SLC13A3: variants seen among roughly 807,000 people sequenced by gnomAD.
SLC13A3 encodes the protein solute carrier family 13 member 3, also known as Na(+)/dicarboxylate cotransporter 3.
Under a neutral mutation model 59.0 loss-of-function variants are expected in SLC13A3, and 40 were observed. The observed-to-expected ratio is 0.68, with a 90% CI of 0.53 to 0.88. The LOEUF (loss-of-function observed/expected upper bound fraction) is 0.88, where lower values mean the gene tolerates loss of function less well. Among genes scored for constraint, SLC13A3 ranks in the 40% least tolerant of loss-of-function variants. The pLI is 0.00. For synonymous variants in SLC13A3, 317 were observed against 330.3 expected (o/e 0.96, Z 0.44); for missense variants, 699 against 783.2 (o/e 0.89, Z 1.28).
At chr20:46,652,547 ATTTTT>A (rs11471373), upstream of SLC13A3, among the ~76,000 whole-genome samples, 1 of 117,792 alleles carries the variant, frequency 8.5e-6, no homozygotes, top group South Asian at 2.8e-4. Context: ...TATCTGGCTA[ATTTTT>A]TTTTTTTTTT....
At chr20:46,561,968 C>G (rs2061935620) in intron 12 of SLC13A3, among the ~76,000 whole-genome samples, 2 of 152,198 alleles carry the variant, frequency 1.3e-5, no homozygotes, top group Non-Finnish European at 1.5e-5. Context: ...GACTGGCTGA[C>G]CGGGGGTGCC....
intron 4 of SLC13A3, among the ~76,000 whole-genome samples, chr20:46,598,743 G>T (rs963451645): frequency 5.9e-5 from 9 of 152,056 alleles, no homozygotes; most frequent in African/African-American, 2.2e-4. Flanking sequence ...TCAAAATCAA[G>T]GTTATATCTA....
chr20:46,659,842 T>G (rs1488675164), intron 1 of SLC13A3, among the ~76,000 whole-genome samples: 2 of 152,174 alleles, frequency 1.3e-5, no homozygotes, highest in African/African-American at 2.4e-5. Context: ...TAAATTTGTG[T>G]ATTCTATAAA....
At chr20:46,629,717 T>C (rs1405041821) in intron 1 of SLC13A3, among the ~76,000 whole-genome samples, 2 of 152,204 alleles carry the variant, frequency 1.3e-5, no homozygotes, top group African/African-American at 4.8e-5. Context: ...TCCACTTACT[T>C]CCTGAGTGCT....
At chr20:46,671,573 G>T (rs1164279658), upstream of SLC13A3, among the ~76,000 whole-genome samples, 1 of 152,090 alleles carries the variant, frequency 6.6e-6, no homozygotes, top group Non-Finnish European at 1.5e-5. Flanking sequence ...CACAGTGTGG[G>T]TTCTCTAGGA....
At position 46,560,005 on chromosome 20, in the gene SLC13A3, G is replaced by A. The variant is rs1025518121; in HGVS notation, c.*17C>T. The stretch of plus-strand genomic sequence containing the variant: ...CCTTTGAGAGGGTTCAGCCTCAAGG[G>A]AGTCCTCCAGGGGGACTCAGAGGGT... On this transcript the variant is annotated 3_prime_UTR_variant, in exon 13 of 13. Coordinates refer to ENST00000279027, the MANE Select transcript of SLC13A3 (RefSeq NM_022829.6). The A allele has an allele frequency of 1.2e-6, 2 of 1,612,518 alleles. No individual in the cohort carries two copies. The highest frequency in any genetic ancestry group is 1.7e-5 in the Admixed American group (1 of 59,992).
At chr20:46,652,129 C>T (rs1698257298), upstream of SLC13A3, among the ~76,000 whole-genome samples, 1 of 152,208 alleles carries the variant, frequency 6.6e-6, no homozygotes, top group South Asian at 2.1e-4. Flanking sequence ...GGAAAAATAA[C>T]TAATGGGCAC....
At chr20:46,598,417 G>A (rs1471607655) in intron 4 of SLC13A3, among the ~76,000 whole-genome samples, 1 of 152,164 alleles carries the variant, frequency 6.6e-6, no homozygotes, top group Admixed American at 6.5e-5. Context: ...TTTATCTAGA[G>A]CAAACACTTT....
intron 1 of SLC13A3, among the ~76,000 whole-genome samples, chr20:46,645,576 T>G (rs924268094): frequency 1.3e-5 from 2 of 152,204 alleles, no homozygotes; most frequent in African/African-American, 4.8e-5. Flanking sequence ...CCAGAAGACT[T>G]TGGGTGGAAC....
At chr20:46,564,349 C>T (rs1426780517) in intron 11 of SLC13A3, among the ~76,000 whole-genome samples, 3 of 152,208 alleles carry the variant, frequency 2.0e-5, no homozygotes, top group Non-Finnish European at 2.9e-5. Context: ...ACTTTTATGG[C>T]GTTTTACTTA....
At chr20:46,652,388 GTTT>G (rs200645740), upstream of SLC13A3, among the ~76,000 whole-genome samples, 1 of 150,790 alleles carries the variant, frequency 6.6e-6, no homozygotes, top group African/African-American at 2.4e-5. Flanking sequence ...TTATTTTTGG[GTTT>G]TTTTTTCTTT....
rs531955313 is a variant in SLC13A3, at chr20:46,572,202, A to C, written c.1332+3371T>G. On this transcript the variant is annotated intron_variant, in intron 10 of 12. Coordinates refer to ENST00000279027, the MANE Select transcript of SLC13A3 (RefSeq NM_022829.6). ...GGCTCACCCTGGATTGCATCCAGGGACCTCCGATCCTCAGGAGGCTGCCAG... is the reference window on the plus strand; with the variant it reads ...GGCTCACCCTGGATTGCATCCAGGGCCCTCCGATCCTCAGGAGGCTGCCAG... Among the ~76,000 whole-genome samples, 111 of 152,160 alleles carry C rather than the reference A, an allele frequency of 7.3e-4. 1 individual carries two copies. The highest frequency in any genetic ancestry group is 6.5e-3 in the Admixed American group (100 of 15,282).
chr20:46,633,064 T>A (rs544601362), intron 1 of SLC13A3, among the ~76,000 whole-genome samples: 1 of 152,254 alleles, frequency 6.6e-6, no homozygotes, highest in East Asian at 1.9e-4. Flanking sequence ...TTTTGTTACA[T>A]TCCTTGCCCT....
At chr20:46,618,125 C>T (rs1325523372) in intron 1 of SLC13A3, among the ~76,000 whole-genome samples, 1 of 152,154 alleles carries the variant, frequency 6.6e-6, no homozygotes, top group African/African-American at 2.4e-5. Flanking sequence ...TTATGAGACA[C>T]CTAGACCCCT....
chr20:46,606,332 G>A (rs919650116), intron 3 of SLC13A3, among the ~76,000 whole-genome samples: 11 of 152,300 alleles, frequency 7.2e-5, no homozygotes, highest in South Asian at 4.1e-4. Flanking sequence ...CCTGGCTCTC[G>A]TTTCTCACGT....
intron 6 of SLC13A3, 77 bp from the exon 7 acceptor site, chr20:46,589,332 C>A: frequency 8.5e-7 from 1 of 1,172,722 alleles, no homozygotes; most frequent in South Asian, 1.3e-5. Flanking sequence ...GCACCACCAC[C>A]TGACCAAGCC....
chr20:46,647,701 C>T (rs1040895631), intron 1 of SLC13A3, among the ~76,000 whole-genome samples: 2 of 152,182 alleles, frequency 1.3e-5, no homozygotes, highest in South Asian at 4.2e-4. Context: ...TGCAGATTGA[C>T]TCCAGCCTCC....
At chr20:46,585,723 C>A in intron 8 of SLC13A3, 1 of 1,298,038 alleles carries the variant, frequency 7.7e-7, no homozygotes, top group Admixed American at 2.4e-5. Context: ...TGTTGAAATG[C>A]TTATAATGCC....
intron 1 of SLC13A3, among the ~76,000 whole-genome samples, chr20:46,681,005 G>A (rs1308906374): frequency 6.6e-6 from 1 of 152,254 alleles, no homozygotes; most frequent in East Asian, 1.9e-4. Flanking sequence ...GGGCTGGGAA[G>A]CCAGCACATT....
Sources: allele counts gnomAD v4.1 joint callset (sites outside exome capture counted in the v4.1 genomes callset), GRCh38; gene constraint gnomAD v4.1.1; transcripts MANE v1.5; gene names NCBI Gene and HGNC (gene_info 2026-07-23, HGNC 2026-07-21).